Variants in SH3TC2 observed in about 807,000 individuals in gnomAD.
SH3TC2 encodes the protein SH3 domain and tetratricopeptide repeats 2.
SH3TC2 carries 87 observed loss-of-function variants against 124.5 expected under a neutral mutation model. The observed-to-expected ratio is 0.70, with a 90% CI of 0.59 to 0.84. The LOEUF (loss-of-function observed/expected upper bound fraction) is 0.84. Ranked by LOEUF, SH3TC2 falls within the 40% of genes least tolerant of loss-of-function variation. The pLI is 0.00. For synonymous variants in SH3TC2, 634 were observed against 628.5 expected (o/e 1.01, Z -0.13); for missense variants, 1,536 against 1,566.4 (o/e 0.98, Z 0.33).
intron 1 of SH3TC2, among the ~76,000 whole-genome samples, chr5:149,061,187 T>C (rs1754741004): frequency 6.6e-6 from 1 of 152,206 alleles, no homozygotes; most frequent in African/African-American, 2.4e-5. Context: ...AATAAAGTAA[T>C]TGAATGATAG....
At position 149,004,422 on chromosome 5, in the gene SH3TC2, A is replaced by C; in HGVS notation, c.*289T>G. On this transcript the variant is annotated 3_prime_UTR_variant, in exon 17 of 17. Transcript: ENST00000515425. The stretch of plus-strand genomic sequence containing the variant: ...GGCAAGATCCCTCATCTTCTCCAGA[A>C]TTATGTATGGAGAAAGTGCTTTTCA... 1 of 412,394 alleles carries C rather than the reference A, an allele frequency of 2.4e-6. No homozygotes were observed. 25.5% of individuals were successfully genotyped at this position (412,394 alleles called of 1,614,324 possible).
chr5:149,011,221 C>T (rs1017912421), intron 13 of SH3TC2, among the ~76,000 whole-genome samples: 1 of 152,220 alleles, frequency 6.6e-6, no homozygotes, highest in African/African-American at 2.4e-5. Flanking sequence ...GGGACCAGTT[C>T]TGGCCAGTGA....
In SH3TC2 at chr5:149,004,067, T is replaced by G. The variant is rs1753640900; in HGVS notation, c.*644A>C. 1 of 195,370 alleles carries G rather than the reference T, an allele frequency of 5.1e-6. No homozygotes were observed. The highest frequency in any genetic ancestry group is 1.1e-5 in the Non-Finnish European group (1 of 93,180). The allele number at this position is 195,370 out of a possible 1,614,324, so 12.1% of individuals were successfully genotyped here. A position where few individuals can be genotyped will look rare whatever the true frequency, so the allele number is the denominator to read the frequency against. On this transcript the variant is annotated 3_prime_UTR_variant, in exon 17 of 17. Transcript: ENST00000515425. Reference sequence around the variant, plus strand: ...TCTTGGAAAGCTTCCCTGGAGCTTCTGGGAGGTTATGTGGGAGCACAGCCT... The same window carrying G: ...TCTTGGAAAGCTTCCCTGGAGCTTCGGGGAGGTTATGTGGGAGCACAGCCT...
At position 149,013,544 on chromosome 5, in the gene SH3TC2, G is replaced by A. The variant is rs543873534; in HGVS notation, c.3054-810C>T. Reference sequence around the variant, plus strand: ...ACCTATTGAGTGAATGCATGAATGAGTGACAACAGTGGTAACTTTAAATCA... The same window carrying A: ...ACCTATTGAGTGAATGCATGAATGAATGACAACAGTGGTAACTTTAAATCA... On this transcript the variant is annotated intron_variant, in intron 12 of 16. Coordinates refer to ENST00000515425, the MANE Select transcript of SH3TC2 (RefSeq NM_024577.4). Among the ~76,000 whole-genome samples, 8 of 152,180 alleles carry A rather than the reference G, an allele frequency of 5.3e-5. 1 individual carries two copies. Among genetic ancestry groups the A allele is most frequent in the Admixed American group, 1.3e-4 (2 of 15,276 alleles).
chr5:149,028,468 AGCT>A lies in SH3TC2; in HGVS notation c.1261_1263del (p.Ser422del). 2 of 1,612,800 alleles carry A rather than the reference AGCT, an allele frequency of 1.2e-6. No homozygotes were observed. The highest frequency in any genetic ancestry group is 1.7e-6 in the Non-Finnish European group (2 of 1,179,256). On this transcript the variant is annotated inframe_deletion, in exon 11 of 17. Coordinates refer to ENST00000515425, the MANE Select transcript of SH3TC2 (RefSeq NM_024577.4). ...TCCTCCTCCAGGCTGGAGTCCTCAG[AGCT>A]GCTGGACTGTCTGGACCCCACGGCC...
intron 2 of SH3TC2, among the ~76,000 whole-genome samples, chr5:149,050,392 C>T (rs185214657): frequency 6.6e-6 from 1 of 152,166 alleles, no homozygotes; most frequent in East Asian, 1.9e-4. Context: ...GCAGCTACAG[C>T]CATCTCCCCT....
rs1247771142 is a variant in SH3TC2 at position 149,001,203 on chromosome 5, CA to C, written c.*3507del. ...ACACATACATATATATACACATGCA[CA>C]ATATAAAGGCATCTTAAAATAATGG... On this transcript the variant is annotated 3_prime_UTR_variant, in exon 17 of 17. Coordinates refer to ENST00000515425, the MANE Select transcript of SH3TC2 (RefSeq NM_024577.4). 6.6e-6 allele frequency: 1 copy of C among 151,790 alleles called. No homozygotes were observed. The highest frequency in any genetic ancestry group is 2.4e-5 in the African/African-American group (1 of 41,280). The allele number at this position is 151,790 out of a possible 1,614,324, so 9.4% of individuals were successfully genotyped here. A position where few individuals can be genotyped will look rare whatever the true frequency, so the allele number is the denominator to read the frequency against.
rs1213798884 is a variant in SH3TC2 at position 148,994,646 on chromosome 5, G to C, written c.*10065C>G. 3.3e-5 allele frequency among the ~76,000 whole-genome samples: 5 copies of C among 149,454 alleles called. No homozygotes were observed. The highest frequency in any genetic ancestry group is 1.3e-4 in the African/African-American group (5 of 39,566). On this transcript the variant is annotated 3_prime_UTR_variant, in exon 17 of 17. Transcript: ENST00000515425. The stretch of plus-strand genomic sequence containing the variant: ...TGGTTGGTTGGTTGGTTGGTTGGTT[G>C]GTTGGTTGGTTGGTTAATTGGCTGG...
rs1232427696 is a variant in SH3TC2 at position 149,002,656 on chromosome 5, TG to T, written c.*2054del. On this transcript the variant is annotated 3_prime_UTR_variant, in exon 17 of 17. Coordinates refer to ENST00000515425, the MANE Select transcript of SH3TC2 (RefSeq NM_024577.4). ...AGCTAGAAATTAAGGGCAGATGGTC[TG>T]ATAATAAAAGCTAAGCTGATGGGCA... 1 of 152,236 alleles carries T rather than the reference TG, an allele frequency of 6.6e-6. No individual in the cohort carries two copies. Among genetic ancestry groups the T allele is most frequent in the Admixed American group, 6.5e-5 (1 of 15,280 alleles). The allele number at this position is 152,236 out of a possible 1,614,324, so 9.4% of individuals were successfully genotyped here.
chr5:149,037,678 G>A (rs1754305372), intron 8 of SH3TC2, among the ~76,000 whole-genome samples: 1 of 152,120 alleles, frequency 6.6e-6, no homozygotes, highest in Non-Finnish European at 1.5e-5. Flanking sequence ...CCAAAAAGAT[G>A]GAGCAATACC....
At chr5:149,043,119 C>T (rs1346553559) in intron 4 of SH3TC2, among the ~76,000 whole-genome samples, 2 of 152,038 alleles carry the variant, frequency 1.3e-5, no homozygotes, top group Non-Finnish European at 2.9e-5. Flanking sequence ...TGACCAAAAC[C>T]AACTGCCTTT....
intron 14 of SH3TC2, 77 bp downstream of exon 14, chr5:149,010,193 T>A: frequency 6.2e-7 from 1 of 1,604,998 alleles, no homozygotes. Flanking sequence ...GAAGAGGGAC[T>A]CAGGCCGAAG....
chr5:149,021,798 A>T (rs2127395540), intron 12 of SH3TC2, among the ~76,000 whole-genome samples: 1 of 151,520 alleles, frequency 6.6e-6, no homozygotes, highest in South Asian at 2.1e-4. Flanking sequence ...CTCCTTACAA[A>T]GGTAAGTCAA....
At position 149,026,556 on chromosome 5, in the gene SH3TC2, C is replaced by T. The variant is rs763241330; in HGVS notation, c.3053+16G>A. 1 of 1,613,242 alleles carries T rather than the reference C, an allele frequency of 6.2e-7. No individual in the cohort carries two copies. Among genetic ancestry groups the T allele is most frequent in the African/African-American group, 1.3e-5 (1 of 74,900 alleles). On this transcript the variant is annotated intron_variant, in intron 12 of 16. Coordinates refer to ENST00000515425, the MANE Select transcript of SH3TC2 (RefSeq NM_024577.4). The stretch of plus-strand genomic sequence containing the variant: ...AAGGAAAGCTGCTTCTAGGACAGTT[C>T]CTGACCCTGACTCACCTGGCGGTAT...
At position 148,993,684 on chromosome 5, in the gene SH3TC2, T is replaced by C. The variant is rs903192666; in HGVS notation, c.*11027A>G. On this transcript the variant is annotated 3_prime_UTR_variant, in exon 17 of 17. Coordinates refer to ENST00000515425, the MANE Select transcript of SH3TC2 (RefSeq NM_024577.4). ...ACTTCCTGTGACTGTGCTTGGTAAG[T>C]GATGGAGGCAATCATTTACAGATGA... Among the ~76,000 whole-genome samples the C allele has an allele frequency of 1.3e-5, 2 of 152,116 alleles. No individual in the cohort carries two copies. Among genetic ancestry groups the C allele is most frequent in the African/African-American group, 4.8e-5 (2 of 41,420 alleles).
rs1425759685 is a variant in SH3TC2, at chr5:149,003,230, G to A, written c.*1481C>T. On this transcript the variant is annotated 3_prime_UTR_variant, in exon 17 of 17. Coordinates refer to ENST00000515425, the MANE Select transcript of SH3TC2 (RefSeq NM_024577.4). Reference sequence around the variant, plus strand: ...CCCTCTTGTGGGAGCTAGACCTAGTGACTCATTTATTATGAATTGAATAGG... The same window carrying A: ...CCCTCTTGTGGGAGCTAGACCTAGTAACTCATTTATTATGAATTGAATAGG... The A allele has an allele frequency of 1.3e-5, 2 of 152,230 alleles. No homozygotes were observed. The highest frequency in any genetic ancestry group is 2.4e-5 in the African/African-American group (1 of 41,456). 9.4% of individuals were successfully genotyped at this position (152,230 alleles called of 1,614,324 possible).
rs987821974 is a variant in SH3TC2, at chr5:149,002,389, C to A, written c.*2322G>T. The A allele has an allele frequency of 1.3e-5, 2 of 152,586 alleles. No homozygotes were observed. The highest frequency in any genetic ancestry group is 4.8e-5 in the African/African-American group (2 of 41,424). 9.5% of individuals were successfully genotyped at this position (152,586 alleles called of 1,614,324 possible). ...GGGCTTTTACAGCTTGTGGTGGGGG[C>A]AAAACCACATCTATTCTCCATGGTA... On this transcript the variant is annotated 3_prime_UTR_variant, in exon 17 of 17. Coordinates refer to ENST00000515425, the MANE Select transcript of SH3TC2 (RefSeq NM_024577.4).
rs17795091 is a variant in SH3TC2 at position 148,984,545 on chromosome 5, A to T, written c.*20166T>A. 0.17 allele frequency among the ~76,000 whole-genome samples: 25,440 copies of T among 151,996 alleles called. 2,468 individuals carry two copies. Among genetic ancestry groups the T allele is most frequent in the East Asian group, 0.24 (1,251 of 5,142 alleles). ...AAGAGGGAAAAGGTGAAAATTGAGC[A>T]TTCCTTGACTAAGTCGAAACCCCTG... On this transcript the variant is annotated 3_prime_UTR_variant, in exon 17 of 17. Coordinates refer to ENST00000515425, the MANE Select transcript of SH3TC2 (RefSeq NM_024577.4).
rs1369825870 is a variant in SH3TC2, at chr5:148,994,578, A to G, written c.*10133T>C. On this transcript the variant is annotated 3_prime_UTR_variant, in exon 17 of 17. Transcript: ENST00000515425. ...TAGTTGGTTGTTTCATTGGTTGGGT[A>G]TGTGGGTGGTTGGGTGGTTAGATGG... Among the ~76,000 whole-genome samples the G allele has an allele frequency of 2.0e-5, 3 of 150,536 alleles. No homozygotes were observed. The highest frequency in any genetic ancestry group is 4.4e-5 in the Non-Finnish European group (3 of 67,632).
Sources: gnomAD v4.1 joint callset for allele counts (sites outside exome capture counted in the v4.1 genomes callset) on GRCh38, gnomAD v4.1.1 for gene constraint, MANE v1.5 for transcripts, NCBI Gene and HGNC (gene_info 2026-07-23, HGNC 2026-07-21) for gene names.